The following MBD3L1 variants were observed in gnomAD, a reference collection of about 807,000 sequenced individuals.
MBD3L1 encodes the protein methyl-CpG binding domain protein 3 like 1.
For synonymous variants in MBD3L1, 84 were observed against 85.1 expected (o/e 0.99, Z 0.07); for missense variants, 203 against 230.1 (o/e 0.88, Z 0.76).
intron 1 of MBD3L1, among the ~76,000 whole-genome samples, chr19:8,837,125 C>T (rs568734648): frequency 2.0e-4 from 31 of 152,286 alleles, no homozygotes; most frequent in Admixed American, 1.2e-3. Context: ...TGAATGACCT[C>T]GCCCTCTGCT....
intron 1 of MBD3L1, among the ~76,000 whole-genome samples, chr19:8,836,585 G>T (rs1425725833): frequency 6.6e-6 from 1 of 151,754 alleles, no homozygotes. Context: ...TCGACCTCCT[G>T]GGCTCAAGTC....
intron 1 of MBD3L1, among the ~76,000 whole-genome samples, chr19:8,833,855 C>T (rs566672124): frequency 2.0e-5 from 3 of 151,888 alleles, no homozygotes; most frequent in East Asian, 1.9e-4. Context: ...GGCGTGGTGG[C>T]GGATGCCTTG....
chr19:8,838,741 G>C (rs993809530), intron 1 of MBD3L1, among the ~76,000 whole-genome samples: 4 of 152,174 alleles, frequency 2.6e-5, no homozygotes, highest in Non-Finnish European at 5.9e-5. Flanking sequence ...AGATTTATTA[G>C]AGAAGATATG....
chr19:8,839,185 C>CTTTTTTTTTTTTTTTTTTT (rs57499698), intron 1 of MBD3L1, among the ~76,000 whole-genome samples: 1 of 122,128 alleles, frequency 8.2e-6, no homozygotes, highest in African/African-American at 3.2e-5. Flanking sequence ...CTTTTCTTTT[C>CTTTTTTTTTTTTTTTTTTT]TTTTTTTTTT....
intron 2 of MBD3L1, 39 bp from the exon 3 acceptor site, chr19:8,842,619 T>C: frequency 7.0e-7 from 1 of 1,421,628 alleles, no homozygotes; most frequent in South Asian, 1.3e-5. Context: ...GCAGGCTTCA[T>C]TGATCAATTT....
intron 1 of MBD3L1, among the ~76,000 whole-genome samples, chr19:8,840,208 G>A (rs4804367): frequency 1.3e-5 from 2 of 148,794 alleles, no homozygotes; most frequent in African/African-American, 2.5e-5. Flanking sequence ...AACAAAAACA[G>A]ATGATACAAA....
At chr19:8,842,545 C>T (rs1308067345) in intron 2 of MBD3L1, 113 bp from the exon 3 acceptor site, 2 of 750,886 alleles carry the variant, frequency 2.7e-6, no homozygotes, top group South Asian at 1.9e-5. Flanking sequence ...CAGGTCAGAC[C>T]TATCCCCAGA....
At chr19:8,834,481 G>T (rs1310830154) in intron 1 of MBD3L1, among the ~76,000 whole-genome samples, 1 of 151,730 alleles carries the variant, frequency 6.6e-6, no homozygotes, top group Non-Finnish European at 1.5e-5. Context: ...GGTGGCGGGC[G>T]CCTATAGTCC....
At chr19:8,842,528 C>G in intron 2 of MBD3L1, 130 bp from the exon 3 acceptor site, 2 of 639,718 alleles carry the variant, frequency 3.1e-6, no homozygotes, top group South Asian at 4.2e-5. Flanking sequence ...GATGATGTCC[C>G]AGGAAGCAGG....
At chr19:8,837,948 C>G (rs1475963926) in intron 1 of MBD3L1, among the ~76,000 whole-genome samples, 2 of 151,890 alleles carry the variant, frequency 1.3e-5, no homozygotes, top group Admixed American at 6.6e-5. Context: ...GAAATTCTAC[C>G]CAGAAGATCA....
rs554309979 is a variant in MBD3L1, at chr19:8,841,713, T to G, written c.-22+714T>G. ...CTGGGATTACAGGTGCCCGCCACCA[T>G]GCCTAGCTAATTTTTGTATTTTTTG... On this transcript the variant is annotated intron_variant, in intron 2 of 2. Coordinates refer to ENST00000595891, the MANE Select transcript of MBD3L1 (RefSeq NM_001393532.1). 1.2e-3 allele frequency among the ~76,000 whole-genome samples: 180 copies of G among 152,104 alleles called. 1 individual carries two copies. Among genetic ancestry groups the G allele is most frequent in the Non-Finnish European group, 2.1e-3 (140 of 67,984 alleles).
intron 2 of MBD3L1, among the ~76,000 whole-genome samples, chr19:8,842,015 G>C (rs2044517284): frequency 6.6e-6 from 1 of 152,066 alleles, no homozygotes; most frequent in Non-Finnish European, 1.5e-5. Context: ...CAGATGAATA[G>C]TCAAGTAATG....
In MBD3L1 at chr19:8,842,645, T is replaced by C; in HGVS notation, c.-21-13T>C. On this transcript the variant is annotated splice_polypyrimidine_tract_variant and intron_variant, in intron 2 of 2. Coordinates refer to ENST00000595891, the MANE Select transcript of MBD3L1 (RefSeq NM_001393532.1). ...TGATCAATTTGACCCCATTTCATGA[T>C]TTATTTTAATAGTGTAAGAGGAAAA... The C allele has an allele frequency of 4.5e-6, 7 of 1,567,720 alleles. No homozygotes were observed. Among genetic ancestry groups the C allele is most frequent in the Non-Finnish European group, 6.1e-6 (7 of 1,146,140 alleles).
chr19:8,843,193 T>C lies in MBD3L1; in HGVS notation c.515T>C (p.Leu172Pro). ...GTCAGAGAGAGACTCGCAATAGCAC[T>C]GATTGCGGATGGACTCGCTAATGAG... ...KTVRERLAIALIADGLANEAE... is the reference protein window; with the variant it reads ...KTVRERLAIAPIADGLANEAE... The change falls in exon 3 of 3, where the codon CTG becomes CCG. Residue 172 changes from leucine to proline, a missense_variant. By Grantham distance (98) the Leu-to-Pro change is moderately conservative (BLOSUM62 -3). Coordinates refer to ENST00000595891, the MANE Select transcript of MBD3L1 (RefSeq NM_001393532.1). 1.2e-6 allele frequency: 2 copies of C among 1,612,456 alleles called. No individual in the cohort carries two copies. Among genetic ancestry groups the C allele is most frequent in the South Asian group, 1.1e-5 (1 of 90,674 alleles).
intron 1 of MBD3L1, among the ~76,000 whole-genome samples, chr19:8,838,251 T>A (rs1443080969): frequency 1.7e-4 from 1 of 5,718 alleles, no homozygotes. Context: ...AGACTCCATC[T>A]CAAAAAAAAA....
intron 2 of MBD3L1, among the ~76,000 whole-genome samples, chr19:8,841,746 G>A (rs1237398553): frequency 1.3e-5 from 2 of 151,862 alleles, no homozygotes; most frequent in Non-Finnish European, 2.9e-5. Context: ...TTGTAGAGAT[G>A]GGGTTTCGCC....
In MBD3L1 at chr19:8,843,154, G is replaced by C. The variant is rs1312716718; in HGVS notation, c.476G>C (p.Gly159Ala). The stretch of plus-strand genomic sequence containing the variant: ...GAGGAAGATATCAGGAAACAGGAAG[G>C]GAAAGTGAAGACAGTCAGAGAGAGA... ...VTEEDIRKQE[G>A]KVKTVRERLA... Residue 159 changes from glycine to alanine, a missense_variant, in exon 3 of 3, where the codon GGG (glycine) becomes GCG (alanine). Coordinates refer to ENST00000595891, the MANE Select transcript of MBD3L1 (RefSeq NM_001393532.1). 1 of 1,613,816 alleles carries C rather than the reference G, an allele frequency of 6.2e-7. No homozygotes were observed. The highest frequency in any genetic ancestry group is 1.1e-5 in the South Asian group (1 of 90,976).
chr19:8,835,082 CCTT>C (rs1160932235), intron 1 of MBD3L1, among the ~76,000 whole-genome samples: 3 of 150,266 alleles, frequency 2.0e-5, no homozygotes, highest in South Asian at 4.2e-4. Context: ...GGTGGAGTCT[CCTT>C]CTGTCACCTA....
intron 1 of MBD3L1, among the ~76,000 whole-genome samples, chr19:8,834,099 A>G (rs2044425075): frequency 6.6e-6 from 1 of 152,378 alleles, no homozygotes; most frequent in Non-Finnish European, 1.5e-5. Context: ...TCAGCCAGGA[A>G]GAAATACTTT....
Sources: gnomAD v4.1 joint callset for allele counts (sites outside exome capture counted in the v4.1 genomes callset) on GRCh38, gnomAD v4.1.1 for gene constraint, MANE v1.5 for transcripts, NCBI Gene and HGNC (gene_info 2026-07-23, HGNC 2026-07-21) for gene names.